The following EPAS1 variants were observed in gnomAD, a reference collection of about 807,000 sequenced individuals.
EPAS1 encodes the protein endothelial PAS domain protein 1.
Under a neutral mutation model 87.9 loss-of-function variants are expected in EPAS1, and 23 were observed. The ratio of observed to expected loss-of-function variants is 0.26; its 90% CI spans 0.19 to 0.37. The LOEUF (loss-of-function observed/expected upper bound fraction) is 0.37. Among genes scored for constraint, EPAS1 ranks in the 10% least tolerant of loss-of-function variants. The pLI, the probability that EPAS1 is intolerant of heterozygous loss-of-function variation, is 1.00. For missense variants in EPAS1, 1,138 were observed against 1,120.7 expected (o/e 1.02, Z -0.22); for synonymous variants, 508 against 444.3 (o/e 1.14, Z -1.80).
intron 1 of EPAS1, among the ~76,000 whole-genome samples, chr2:46,341,295 C>CT (rs2104866866): frequency 6.6e-6 from 1 of 152,344 alleles, no homozygotes; most frequent in East Asian, 1.9e-4. Context: ...AGTCTGGTGA[C>CT]TAACGGGGTG....
At chr2:46,357,994 G>T (rs1684305669) in intron 4 of EPAS1, among the ~76,000 whole-genome samples, 1 of 152,172 alleles carries the variant, frequency 6.6e-6, no homozygotes, top group South Asian at 2.1e-4. Context: ...CACTGGTCTG[G>T]GGAGATTCTG....
chr2:46,375,200 C>CA lies in EPAS1; in HGVS notation c.887-482dup, dbSNP rs59795642. Among the ~76,000 whole-genome samples, 6 of 123,326 alleles carry CA rather than the reference C, an allele frequency of 4.9e-5. No homozygotes were observed. Among genetic ancestry groups the CA allele is most frequent in the South Asian group, 2.8e-4 (1 of 3,610 alleles). 80.9% of individuals were successfully genotyped at this position (123,326 alleles called of 152,430 possible). ...GCTGAAAAAAAAAAACAAAAAAAAA[C>CA]AAAAAAAACTGCCCTGAGGTCAGGC... On this transcript the variant is annotated intron_variant, in intron 7 of 15. Coordinates refer to ENST00000263734, the MANE Select transcript of EPAS1 (RefSeq NM_001430.5). The surrounding 1 kb of genome is among the most constrained non-coding windows in gnomAD (Gnocchi z 4.1).
At chr2:46,348,811 G>C (rs1684086815) in intron 2 of EPAS1, among the ~76,000 whole-genome samples, 1 of 152,148 alleles carries the variant, frequency 6.6e-6, no homozygotes, top group African/African-American at 2.4e-5. Flanking sequence ...ATTTGAAATG[G>C]TCCAATGAGC....
At chr2:46,325,711 G>A (rs977068583) in intron 1 of EPAS1, among the ~76,000 whole-genome samples, 2 of 152,152 alleles carry the variant, frequency 1.3e-5, no homozygotes, top group South Asian at 2.1e-4. Flanking sequence ...GGACATACAC[G>A]CTCACTTCCA....
chr2:46,356,399 C>A, intron 3 of EPAS1, 97 bp downstream of exon 3: 1 of 1,484,892 alleles, frequency 6.7e-7, no homozygotes, highest in Non-Finnish European at 9.3e-7. Flanking sequence ...TTGACCTCTC[C>A]CTGCAAATGC....
At position 46,346,445 on chromosome 2, in the gene EPAS1, T is replaced by C. The variant is rs1417407438; in HGVS notation, c.27-428T>C. On this transcript the variant is annotated intron_variant, in intron 1 of 15. Transcript: ENST00000263734. This position sits in a 1 kb window ranked among gnomAD's most constrained non-coding sequence, Gnocchi z 4.0. Reference sequence around the variant, plus strand: ...ATGCAGAAAAAGAACCTTAAAGCAGTTTTTTTATCTTGTTCTCCAGAGCCC... The same window carrying C: ...ATGCAGAAAAAGAACCTTAAAGCAGCTTTTTTATCTTGTTCTCCAGAGCCC... Among the ~76,000 whole-genome samples, 1 of 152,188 alleles carries C rather than the reference T, an allele frequency of 6.6e-6. No homozygotes were observed. The highest frequency in any genetic ancestry group is 6.5e-5 in the Admixed American group (1 of 15,272).
intron 1 of EPAS1, among the ~76,000 whole-genome samples, chr2:46,341,024 T>C (rs1259807030): frequency 2.6e-5 from 4 of 152,188 alleles, no homozygotes; most frequent in Non-Finnish European, 1.5e-5. Context: ...CTGGCCTATT[T>C]TCTGTTTTCA....
At chr2:46,372,835 C>T (rs1181928866) in intron 7 of EPAS1, among the ~76,000 whole-genome samples, 1 of 152,206 alleles carries the variant, frequency 6.6e-6, no homozygotes, top group Non-Finnish European at 1.5e-5. Context: ...GCATTAAGGA[C>T]CATCTAAATA....
intron 6 of EPAS1, among the ~76,000 whole-genome samples, chr2:46,363,586 A>G (rs3768727): frequency 0.17 from 25,543 of 152,168 alleles, 2,381 homozygotes; most frequent in Admixed American, 0.27. Context: ...TTGGATGTCT[A>G]AATGTGGCTG....
chr2:46,323,426 T>A (rs368372579), intron 1 of EPAS1, among the ~76,000 whole-genome samples: 2 of 152,230 alleles, frequency 1.3e-5, no homozygotes, highest in African/African-American at 4.8e-5. Flanking sequence ...CAAGACTGAA[T>A]TATGTTTTTA....
rs1204494333 is a variant in EPAS1, at chr2:46,346,391, C to G, written c.27-482C>G. ...ATGAAGCGGGATCTAGGGTTCAGTACTACTCTTAATTTTTTCTGATTGTGT... is the reference window on the plus strand; with the variant it reads ...ATGAAGCGGGATCTAGGGTTCAGTAGTACTCTTAATTTTTTCTGATTGTGT... On this transcript the variant is annotated intron_variant, in intron 1 of 15. Coordinates refer to ENST00000263734, the MANE Select transcript of EPAS1 (RefSeq NM_001430.5). This position sits in a 1 kb window ranked among gnomAD's most constrained non-coding sequence, Gnocchi z 4.0. 6.6e-6 allele frequency among the ~76,000 whole-genome samples: 1 copy of G among 152,144 alleles called. No individual in the cohort carries two copies. Among genetic ancestry groups the G allele is most frequent in the Non-Finnish European group, 1.5e-5 (1 of 68,022 alleles).
At chr2:46,320,313 ATT>A (rs1011076361) in intron 1 of EPAS1, among the ~76,000 whole-genome samples, 4 of 152,210 alleles carry the variant, frequency 2.6e-5, no homozygotes, top group African/African-American at 9.6e-5. Context: ...ATGTGTACAC[ATT>A]TAGGGAGTGC....
chr2:46,383,196 C>G (rs1396892062), intron 15 of EPAS1, among the ~76,000 whole-genome samples: 1 of 152,192 alleles, frequency 6.6e-6, no homozygotes, highest in Non-Finnish European at 1.5e-5. Flanking sequence ...TTGCCCCTTC[C>G]TCAGTTCTTC....
chr2:46,378,698 C>T lies in EPAS1; in HGVS notation c.1485C>T (p.Asp495=), dbSNP rs1190858280. ...ACTATTACACATCTTTGGATAACGACCTGAAGATTGAAGTGATTGAGAAGC... is the reference window on the plus strand; with the variant it reads ...ACTATTACACATCTTTGGATAACGATCTGAAGATTGAAGTGATTGAGAAGC... The part of the protein sequence containing the change: ...PEDYYTSLDN[D]LKIEVIEKLF... The change falls in exon 11 of 16, where the codon GAC becomes GAT. Residue 495 remains aspartate, a synonymous_variant. Coordinates refer to ENST00000263734, the MANE Select transcript of EPAS1 (RefSeq NM_001430.5). 6.2e-7 allele frequency: 1 copy of T among 1,614,052 alleles called. No homozygotes were observed. Among genetic ancestry groups the T allele is most frequent in the South Asian group, 1.1e-5 (1 of 91,080 alleles).
intron 6 of EPAS1, among the ~76,000 whole-genome samples, chr2:46,361,694 G>T (rs1684390524): frequency 6.6e-6 from 1 of 152,168 alleles, no homozygotes; most frequent in Admixed American, 6.5e-5. Context: ...AGATGGCTTA[G>T]GTTCAAATTT....
rs1450607883 is a variant in EPAS1 at position 46,347,873 on chromosome 2, G to A, written c.217+810G>A. ...TCAGGGGTGTCAGTTCTGTAAGGAC[G>A]CTGGGCAACGAGTTGTGCTCCTCCC... On this transcript the variant is annotated intron_variant, in intron 2 of 15. Transcript: ENST00000263734. This position sits in a 1 kb window ranked among gnomAD's most constrained non-coding sequence, Gnocchi z 4.2. 1.3e-5 allele frequency among the ~76,000 whole-genome samples: 2 copies of A among 152,210 alleles called. No homozygotes were observed. Among genetic ancestry groups the A allele is most frequent in the Non-Finnish European group, 1.5e-5 (1 of 68,042 alleles).
intron 1 of EPAS1, among the ~76,000 whole-genome samples, chr2:46,316,825 A>G (rs1485272706): frequency 3.0e-4 from 45 of 152,190 alleles, no homozygotes; most frequent in Admixed American, 2.9e-3. Context: ...GTCTGATAGC[A>G]TTTTACCCAC....
Position 46,346,274 on chromosome 2 carries a change from C to T in EPAS1, c.27-599C>T, listed in dbSNP as rs1483490727. Among the ~76,000 whole-genome samples the T allele has an allele frequency of 2.0e-5, 3 of 152,320 alleles. No homozygotes were observed. Among genetic ancestry groups the T allele is most frequent in the Middle Eastern group, 3.4e-3 (1 of 294 alleles). ...CTCCTTTTTAATCCTTGACAGAACGCACGTTGGTACTCTAGACTGTTGGGT... is the reference window on the plus strand; with the variant it reads ...CTCCTTTTTAATCCTTGACAGAACGTACGTTGGTACTCTAGACTGTTGGGT... On this transcript the variant is annotated intron_variant, in intron 1 of 15. Transcript: ENST00000263734. The surrounding 1 kb of genome is among the most constrained non-coding windows in gnomAD (Gnocchi z 4.0).
intron 2 of EPAS1, among the ~76,000 whole-genome samples, chr2:46,353,863 T>G (rs931818568): frequency 2.0e-5 from 3 of 152,224 alleles, no homozygotes; most frequent in Non-Finnish European, 4.4e-5. Context: ...TTCCCTTGTT[T>G]CACCATTTTA....
Sources: allele counts gnomAD v4.1 joint callset (sites outside exome capture counted in the v4.1 genomes callset), GRCh38; gene constraint gnomAD v4.1.1; non-coding constraint Gnocchi (gnomAD v3.1); transcripts MANE v1.5; gene names NCBI Gene and HGNC (gene_info 2026-07-23, HGNC 2026-07-21).